MAN1A1: variants seen among roughly 807,000 people sequenced by gnomAD.
MAN1A1 encodes the protein mannosyl-oligosaccharide 1,2-alpha-mannosidase IA.
In MAN1A1, 29 loss-of-function variants were observed where a neutral mutation model predicts 70.8. The ratio of observed to expected loss-of-function variants is 0.41; its 90% CI spans 0.31 to 0.56. MAN1A1 has a LOEUF of 0.56. Ranked by LOEUF, MAN1A1 falls within the 20% of genes least tolerant of loss-of-function variation. The probability of loss-of-function intolerance (pLI) is 0.29; values close to 1 mark genes in which losing one functional copy is unlikely to be tolerated. For synonymous variants in MAN1A1, 349 were observed against 330.1 expected (o/e 1.06, Z -0.62); for missense variants, 747 against 841.3 (o/e 0.89, Z 1.39).
intron 2 of MAN1A1, among the ~76,000 whole-genome samples, chr6:119,347,829 G>C (rs1330376532): frequency 6.6e-6 from 1 of 152,236 alleles, no homozygotes; most frequent in African/African-American, 2.4e-5. Flanking sequence ...CTGCTGTGGA[G>C]GCAAACCTGT....
At chr6:119,267,176 T>C (rs1562217694) in intron 5 of MAN1A1, among the ~76,000 whole-genome samples, 1 of 152,216 alleles carries the variant, frequency 6.6e-6, no homozygotes, top group East Asian at 1.9e-4. Flanking sequence ...GAAGACAGTT[T>C]GGCAGTTACA....
intron 2 of MAN1A1, among the ~76,000 whole-genome samples, chr6:119,316,719 C>G (rs960636504): frequency 2.0e-5 from 3 of 151,970 alleles, no homozygotes; most frequent in South Asian, 2.1e-4. Context: ...AATGTGCTAT[C>G]TTTAAAAGAT....
intron 5 of MAN1A1, among the ~76,000 whole-genome samples, chr6:119,280,523 T>A (rs1420581652): frequency 6.6e-6 from 1 of 152,244 alleles, no homozygotes; most frequent in Non-Finnish European, 1.5e-5. Flanking sequence ...CATCTGCTGA[T>A]TCACTTAATG....
intron 5 of MAN1A1, among the ~76,000 whole-genome samples, chr6:119,274,025 C>T (rs904547615): frequency 4.6e-5 from 7 of 152,204 alleles, no homozygotes; most frequent in Admixed American, 1.3e-4. Context: ...AATTAAACTC[C>T]ATTATTTGAG....
At chr6:119,260,502 G>C (rs765844289) in intron 5 of MAN1A1, among the ~76,000 whole-genome samples, 7 of 152,082 alleles carry the variant, frequency 4.6e-5, no homozygotes, top group Non-Finnish European at 8.8e-5. Flanking sequence ...GCAATTTCTG[G>C]TCAGCATTCA....
intron 4 of MAN1A1, among the ~76,000 whole-genome samples, chr6:119,297,791 G>GTTT (rs201490019): frequency 1.2e-5 from 1 of 83,024 alleles, no homozygotes; most frequent in Non-Finnish European, 2.6e-5. Context: ...CCAGGCTGGA[G>GTTT]TTTTTTTGTT....
chr6:119,226,701 C>T (rs565957768), intron 6 of MAN1A1, among the ~76,000 whole-genome samples: 2 of 152,196 alleles, frequency 1.3e-5, no homozygotes, highest in Admixed American at 6.5e-5. Flanking sequence ...GACAGAGTCC[C>T]ACTCTGTTGC....
At chr6:119,310,972 C>T (rs1158317196) in intron 2 of MAN1A1, among the ~76,000 whole-genome samples, 3 of 152,112 alleles carry the variant, frequency 2.0e-5, no homozygotes, top group Non-Finnish European at 4.4e-5. Flanking sequence ...AGGAGTAAGG[C>T]GTAAAAGCGG....
chr6:119,334,101 A>G (rs185292401), intron 2 of MAN1A1, among the ~76,000 whole-genome samples: 1 of 152,310 alleles, frequency 6.6e-6, no homozygotes, highest in East Asian at 1.9e-4. Flanking sequence ...CAATTTATAA[A>G]ATTACAATGG....
intron 2 of MAN1A1, among the ~76,000 whole-genome samples, chr6:119,339,916 C>A (rs571499295): frequency 1.3e-5 from 2 of 152,148 alleles, no homozygotes; most frequent in Admixed American, 1.3e-4. Context: ...TGTGGGGAAA[C>A]CTTGCCTCTA....
intron 6 of MAN1A1, among the ~76,000 whole-genome samples, chr6:119,223,723 G>C (rs1358990184): frequency 1.3e-5 from 2 of 152,112 alleles, no homozygotes; most frequent in Non-Finnish European, 2.9e-5. Context: ...CTAAAGGTCA[G>C]AGAATGCTTA....
At chr6:119,192,405 G>A (rs777527415) in intron 9 of MAN1A1, among the ~76,000 whole-genome samples, 5 of 152,124 alleles carry the variant, frequency 3.3e-5, no homozygotes, top group Admixed American at 6.5e-5. Context: ...GTAGGCCAAC[G>A]TTCTCACTAA....
intron 5 of MAN1A1, among the ~76,000 whole-genome samples, chr6:119,259,580 A>C (rs1291755069): frequency 2.0e-5 from 3 of 152,234 alleles, no homozygotes; most frequent in Non-Finnish European, 1.5e-5. Flanking sequence ...CTCCTTTATC[A>C]TATATTATAC....
chr6:119,229,227 A>G (rs1582715727), intron 6 of MAN1A1, among the ~76,000 whole-genome samples: 1 of 134,632 alleles, frequency 7.4e-6, no homozygotes, highest in African/African-American at 2.7e-5. Context: ...AAAAAAAAAA[A>G]ACAAAAAATG....
At chr6:119,331,526 T>C (rs1773309941) in intron 2 of MAN1A1, among the ~76,000 whole-genome samples, 1 of 145,344 alleles carries the variant, frequency 6.9e-6, no homozygotes, top group Non-Finnish European at 1.5e-5. Flanking sequence ...TAAGGTATTA[T>C]TTTAGATAAT....
At chr6:119,271,391 A>G (rs1395931657) in intron 5 of MAN1A1, among the ~76,000 whole-genome samples, 2 of 152,238 alleles carry the variant, frequency 1.3e-5, no homozygotes, top group African/African-American at 4.8e-5. Flanking sequence ...ACAGAGCCTG[A>G]GAAACCAGAA....
chr6:119,246,727 A>T lies in MAN1A1; in HGVS notation c.992+1533T>A, dbSNP rs140026079. ...GTCAGAATACTACCTATAAATACAA[A>T]TTCTGAAGATATAAAAGGTAAGAAA... On this transcript the variant is annotated intron_variant, in intron 6 of 12. Coordinates refer to ENST00000368468, the MANE Select transcript of MAN1A1 (RefSeq NM_005907.4). Among the ~76,000 whole-genome samples, 32 of 152,256 alleles carry T rather than the reference A, an allele frequency of 2.1e-4. No individual in the cohort carries two copies. In the East Asian group the frequency reaches 6.2e-3, roughly 29 times the overall value.
chr6:119,308,080 C>T (rs1772581377), intron 2 of MAN1A1, among the ~76,000 whole-genome samples: 1 of 152,176 alleles, frequency 6.6e-6, no homozygotes, highest in Non-Finnish European at 1.5e-5. Flanking sequence ...AATGCTATAA[C>T]TTTAGTATTG....
chr6:119,302,028 T>G lies in MAN1A1; in HGVS notation c.776A>C (p.Glu259Ala). Residue 259 changes from glutamate to alanine, a missense_variant, in exon 4 of 13, where the codon GAA becomes GCA. Physicochemically the swap from Glu to Ala is moderately radical, Grantham distance 107. Coordinates refer to ENST00000368468, the MANE Select transcript of MAN1A1 (RefSeq NM_005907.4). ...FIMEMKHEFEEAKSWVEENLD... is the reference protein window; with the variant it reads ...FIMEMKHEFEAAKSWVEENLD... ...ATTTTCTTCAACCCATGATTTTGCT[T>G]CTTCAAATTCATGTTTCATTTCCAT... 1 of 1,608,548 alleles carries G rather than the reference T, an allele frequency of 6.2e-7. No individual in the cohort carries two copies. Among genetic ancestry groups the G allele is most frequent in the Non-Finnish European group, 8.5e-7 (1 of 1,175,760 alleles).
Sources: allele counts gnomAD v4.1 joint callset (sites outside exome capture counted in the v4.1 genomes callset), GRCh38; gene constraint gnomAD v4.1.1; transcripts MANE v1.5; gene names NCBI Gene and HGNC (gene_info 2026-07-23, HGNC 2026-07-21).